ARMH4: variants seen among roughly 807,000 people sequenced by gnomAD.
ARMH4 encodes armadillo-like helical domain-containing protein 4.
In ARMH4, 49 loss-of-function variants were observed where a neutral mutation model predicts 61.9. The observed-to-expected ratio is 0.79, with a 90% CI of 0.63 to 1.00. The LOEUF is 1.00. Ranked by LOEUF, ARMH4 falls within the 50% of genes least tolerant of loss-of-function variation. The pLI, the probability that ARMH4 is intolerant of heterozygous loss-of-function variation, is 0.00. For synonymous variants in ARMH4, 368 were observed against 341.5 expected, an observed-to-expected ratio of 1.08 and a Z score of -0.85; for missense variants, 934 against 930.0, an observed-to-expected ratio of 1.00 and a Z score of -0.06.
At chr14:58,056,503 C>T (rs546223677) in intron 5 of ARMH4, among the ~76,000 whole-genome samples, 8 of 152,136 alleles carry the variant, frequency 5.3e-5, no homozygotes, top group Non-Finnish European at 1.0e-4. Context: ...TGAAGAGATG[C>T]TTTAGGAGGA....
intron 5 of ARMH4, among the ~76,000 whole-genome samples, chr14:58,049,703 C>CA (rs918537404): frequency 4.2e-4 from 63 of 148,766 alleles, no homozygotes; most frequent in African/African-American, 9.7e-4. Flanking sequence ...GTGGCTGTCA[C>CA]AAAAAAAAAT....
At chr14:58,027,725 A>G (rs1883070946) in intron 5 of ARMH4, among the ~76,000 whole-genome samples, 1 of 152,208 alleles carries the variant, frequency 6.6e-6, no homozygotes, top group Non-Finnish European at 1.5e-5. Context: ...AGTAATAATA[A>G]TAAAGGGGAC....
chr14:58,081,100 TATAAATAA>T (rs59178433), intron 5 of ARMH4, among the ~76,000 whole-genome samples: 4 of 148,274 alleles, frequency 2.7e-5, no homozygotes, highest in East Asian at 2.0e-4. Context: ...AGACTCTGTC[TATAAATAA>T]ATAAATAAAT....
At chr14:58,108,524 A>G (rs1173163483) in intron 4 of ARMH4, among the ~76,000 whole-genome samples, 1 of 152,122 alleles carries the variant, frequency 6.6e-6, no homozygotes, top group Non-Finnish European at 1.5e-5. Context: ...TTTCCATTCA[A>G]AATTATGGTT....
At chr14:58,090,795 G>A (rs751452469) in intron 5 of ARMH4, among the ~76,000 whole-genome samples, 7 of 149,418 alleles carry the variant, frequency 4.7e-5, no homozygotes, top group Non-Finnish European at 8.9e-5. Context: ...CAGGAGAATC[G>A]CTTGAACCCG....
chr14:58,098,346 C>A (rs1457880163), intron 4 of ARMH4, among the ~76,000 whole-genome samples: 1 of 152,098 alleles, frequency 6.6e-6, no homozygotes, highest in African/African-American at 2.4e-5. Flanking sequence ...AACCCCCTAA[C>A]GGGTGCCGTT....
chr14:58,129,058 C>A (rs568554432), intron 4 of ARMH4, among the ~76,000 whole-genome samples: 7 of 152,282 alleles, frequency 4.6e-5, no homozygotes, highest in Non-Finnish European at 1.5e-5. Flanking sequence ...CTGCCTATAC[C>A]TTGACTTCCA....
At chr14:58,032,598 C>T (rs934758848) in intron 5 of ARMH4, among the ~76,000 whole-genome samples, 8 of 152,138 alleles carry the variant, frequency 5.3e-5, no homozygotes, top group African/African-American at 1.9e-4. Flanking sequence ...CCAGCGTGAG[C>T]GACGCAGAAG....
chr14:58,112,243 G>T (rs1163451510), intron 4 of ARMH4, among the ~76,000 whole-genome samples: 1 of 141,176 alleles, frequency 7.1e-6, no homozygotes, highest in Non-Finnish European at 1.6e-5. Context: ...ATATATTTGT[G>T]TTTGTTACTT....
chr14:58,061,105 G>A (rs185623180), intron 5 of ARMH4, among the ~76,000 whole-genome samples: 1 of 152,126 alleles, frequency 6.6e-6, no homozygotes, highest in African/African-American at 2.4e-5. Context: ...AACTCCGTGA[G>A]GCTCCTCCTT....
intron 5 of ARMH4, among the ~76,000 whole-genome samples, chr14:58,040,119 T>G (rs67827119): frequency 6.6e-6 from 1 of 152,064 alleles, no homozygotes; most frequent in East Asian, 1.9e-4. Flanking sequence ...CCAGAGCCAG[T>G]GGAGCTGATG....
chr14:58,051,734 G>A lies in ARMH4; in HGVS notation c.2090-39584C>T, dbSNP rs1036158067. Among the ~76,000 whole-genome samples, 9 of 151,938 alleles carry A rather than the reference G, an allele frequency of 5.9e-5. No homozygotes were observed. The East Asian group carries it at 1.5e-3, about 26-fold the overall frequency. On this transcript the variant is annotated intron_variant, in intron 5 of 7. Coordinates refer to ENST00000267485, the MANE Select transcript of ARMH4 (RefSeq NM_001001872.4). ...TAATTTCTATTTCTTCAAATTGAACGGTCTTATATGAACTCTCTCCTTGAC... is the reference window on the plus strand; with the variant it reads ...TAATTTCTATTTCTTCAAATTGAACAGTCTTATATGAACTCTCTCCTTGAC...
chr14:58,080,569 A>T (rs542891453), intron 5 of ARMH4, among the ~76,000 whole-genome samples: 20 of 152,282 alleles, frequency 1.3e-4, no homozygotes, highest in Middle Eastern at 3.4e-3. Context: ...GGAAACAACT[A>T]ACACTGGGGA....
chr14:58,024,454 G>C (rs1306599820), intron 5 of ARMH4, among the ~76,000 whole-genome samples: 1 of 152,134 alleles, frequency 6.6e-6, no homozygotes, highest in Non-Finnish European at 1.5e-5. Context: ...AATAGACTTT[G>C]GCTTAAGGGA....
chr14:58,137,956 A>C, intron 2 of ARMH4, 34 bp downstream of exon 2: 1 of 1,563,896 alleles, frequency 6.4e-7, no homozygotes, highest in Non-Finnish European at 8.6e-7. Flanking sequence ...TTCCAAATTA[A>C]ACCAAAGTTT....
intron 5 of ARMH4, among the ~76,000 whole-genome samples, chr14:58,089,308 T>A (rs1885483318): frequency 6.6e-6 from 1 of 152,232 alleles, no homozygotes; most frequent in African/African-American, 2.4e-5. Flanking sequence ...CATCTTTTCC[T>A]TGCTGCCACA....
At chr14:58,086,470 T>G (rs926187043) in intron 5 of ARMH4, among the ~76,000 whole-genome samples, 1 of 152,164 alleles carries the variant, frequency 6.6e-6, no homozygotes, top group African/African-American at 2.4e-5. Context: ...TAGCTAAGCT[T>G]AGTGTCAGTT....
Position 58,014,881 on chromosome 14 carries a change from G to A in ARMH4, c.2090-2731C>T, listed in dbSNP as rs564525889. On this transcript the variant is annotated intron_variant, in intron 5 of 7. Coordinates refer to ENST00000267485, the MANE Select transcript of ARMH4 (RefSeq NM_001001872.4). ...CACCAACCTTTGAAGCAAGATGCTT[G>A]CAATCAGGGACTCAGTTGGGTATTA... is the stretch of plus-strand genomic sequence containing the variant. Among the ~76,000 whole-genome samples, 406 of 152,282 alleles carry A rather than the reference G, an allele frequency of 2.7e-3. 2 individuals are homozygous for A. Among genetic ancestry groups the A allele is most frequent in the Non-Finnish European group, 4.4e-3 (302 of 68,024 alleles).
chr14:58,026,174 C>A (rs1284906740), intron 5 of ARMH4, among the ~76,000 whole-genome samples: 1 of 151,988 alleles, frequency 6.6e-6, no homozygotes, highest in African/African-American at 2.4e-5. Context: ...TGAACTTCAA[C>A]CATAGGGAAA....
Sources: allele counts gnomAD v4.1 joint callset (sites outside exome capture counted in the v4.1 genomes callset), GRCh38; gene constraint gnomAD v4.1.1; transcripts MANE v1.5; gene names NCBI Gene and HGNC (gene_info 2026-07-23, HGNC 2026-07-21).